Variants in CALHM4 observed in about 807,000 individuals in gnomAD.
CALHM4 encodes the protein calcium homeostasis modulator protein 4.
CALHM4 carries 16 observed loss-of-function variants against 13.3 expected under a neutral mutation model. The ratio of observed to expected loss-of-function variants is 1.20; its 90% CI spans 0.81 to 1.82. The LOEUF is 1.82. Among genes scored for constraint, CALHM4 ranks in the 40% most tolerant of loss-of-function variants. CALHM4 has a pLI of 0.00. For synonymous variants in CALHM4, 127 were observed against 137.1 expected (o/e 0.93, Z 0.52); for missense variants, 344 against 374.9 (o/e 0.92, Z 0.68).
At chr6:116,545,616 T>C in intron 2 of CALHM4, 1 of 1,058,548 alleles carries the variant, frequency 9.4e-7, no homozygotes, top group South Asian at 1.6e-5. Context: ...TTGTAAGCTC[T>C]TCCTCGCTTT....
intron 1 of CALHM4, among the ~76,000 whole-genome samples, chr6:116,557,138 A>C (rs761929547): frequency 1.3e-5 from 2 of 151,980 alleles, no homozygotes; most frequent in Non-Finnish European, 2.9e-5. Context: ...GGGTTTCACC[A>C]TGTTGGCCAG....
chr6:116,549,057 G>C (rs1254474679), upstream of CALHM4, among the ~76,000 whole-genome samples: 1 of 152,168 alleles, frequency 6.6e-6, no homozygotes, highest in Non-Finnish European at 1.5e-5. Flanking sequence ...GACCGAGGTC[G>C]GTGGATCACC....
In CALHM4 at chr6:116,557,815, T is replaced by C; in HGVS notation, c.559-10T>C. The C allele has an allele frequency of 6.2e-7, 1 of 1,603,440 alleles. No homozygotes were observed. The highest frequency in any genetic ancestry group is 8.5e-7 in the Non-Finnish European group (1 of 1,173,034). ...TACTTCCTGTTTTTCTTTTTAATAA[T>C]GATGTGAAGATGCTGGGTTGGATTT... On this transcript the variant is annotated splice_polypyrimidine_tract_variant and intron_variant, in intron 1 of 1. Coordinates refer to ENST00000368596, the MANE Select transcript of CALHM4 (RefSeq NM_001366078.2).
chr6:116,556,220 C>T (rs1774309671), intron 1 of CALHM4, among the ~76,000 whole-genome samples: 1 of 152,214 alleles, frequency 6.6e-6, no homozygotes, highest in Non-Finnish European at 1.5e-5. Flanking sequence ...TAAGTGAGTT[C>T]ATTCCATTGT....
intron 1 of CALHM4, among the ~76,000 whole-genome samples, chr6:116,530,003 T>A (rs1311119294): frequency 6.6e-6 from 1 of 152,194 alleles, no homozygotes; most frequent in Non-Finnish European, 1.5e-5. Context: ...CCTCCCCATT[T>A]TATGCACAGC....
At chr6:116,538,304 C>T (rs1043757631) in intron 1 of CALHM4, among the ~76,000 whole-genome samples, 2 of 152,178 alleles carry the variant, frequency 1.3e-5, no homozygotes, top group Non-Finnish European at 2.9e-5. Flanking sequence ...GGGCCAAGGG[C>T]ATTTACGGTA....
intron 1 of CALHM4, 78 bp downstream of exon 1, chr6:116,554,429 C>G (rs1774219062): frequency 8.3e-7 from 1 of 1,199,078 alleles, no homozygotes; most frequent in Non-Finnish European, 1.1e-6. Flanking sequence ...CAGATTCCTA[C>G]TGCTTCTTAT....
At chr6:116,540,537 TTG>T in intron 1 of CALHM4, 1 of 1,433,714 alleles carries the variant, frequency 7.0e-7, no homozygotes. Flanking sequence ...AAGAAGCGAT[TTG>T]TGTGTTTAGC....
chr6:116,545,361 G>A, intron 2 of CALHM4: 1 of 820,018 alleles, frequency 1.2e-6, no homozygotes, highest in Non-Finnish European at 1.9e-6. Context: ...GCTGAACACT[G>A]TCTTTCCTCC....
At chr6:116,548,275 A>G (rs945827664) in intron 2 of CALHM4, among the ~76,000 whole-genome samples, 2 of 152,208 alleles carry the variant, frequency 1.3e-5, no homozygotes, top group Non-Finnish European at 2.9e-5. Context: ...CCTTGCCAAA[A>G]AACAATGCCA....
intron 1 of CALHM4, among the ~76,000 whole-genome samples, chr6:116,542,923 T>A (rs1773551594): frequency 1.3e-5 from 2 of 152,116 alleles, no homozygotes; most frequent in Admixed American, 1.3e-4. Flanking sequence ...AAGCATATAT[T>A]TATATTGGAA....
chr6:116,542,292 A>G (rs1245757565), intron 1 of CALHM4, among the ~76,000 whole-genome samples: 2 of 152,160 alleles, frequency 1.3e-5, no homozygotes, highest in Non-Finnish European at 2.9e-5. Context: ...AATTAAGTAG[A>G]AATTCCAAAA....
At chr6:116,549,974 C>T (rs760536683), upstream of CALHM4, among the ~76,000 whole-genome samples, 109 of 98,062 alleles carry the variant, frequency 1.1e-3, no homozygotes, top group Non-Finnish European at 1.8e-3. Flanking sequence ...AAAACTCCAT[C>T]TTAAATTATA....
chr6:116,551,545 T>C (rs1774080014), upstream of CALHM4, among the ~76,000 whole-genome samples: 2 of 152,048 alleles, frequency 1.3e-5, no homozygotes, highest in African/African-American at 4.8e-5. Flanking sequence ...TCAATTGTTT[T>C]ATCCTTTTTT....
At chr6:116,530,902 CATATATAT>C (rs10557481) in intron 1 of CALHM4, among the ~76,000 whole-genome samples, 2,455 of 76,442 alleles carry the variant, frequency 0.032, 49 homozygotes, top group African/African-American at 0.058. Flanking sequence ...AAGTGAGACT[CATATATAT>C]ATATATATAT....
intron 1 of CALHM4, among the ~76,000 whole-genome samples, chr6:116,532,562 A>ACTT (rs1772807699): frequency 6.6e-6 from 1 of 152,254 alleles, no homozygotes; most frequent in Admixed American, 6.5e-5. Flanking sequence ...ATGAAAGGCA[A>ACTT]CTTCACTGGC....
rs1413932713 is a variant in CALHM4, at chr6:116,554,275, C to T, written c.482C>T (p.Pro161Leu). 7.7e-6 allele frequency: 12 copies of T among 1,550,564 alleles called. No homozygotes were observed. The highest frequency in any genetic ancestry group is 1.0e-5 in the Non-Finnish European group (12 of 1,147,002). ...CGAGAAGAGATCCTGGCTGGGTTTC[C>T]ATGTTGCAGATCAGCTCCTTCTGAC... Reference protein sequence around the residue: ...SKREEILAGFPCCRSAPSDVI... With the variant: ...SKREEILAGFLCCRSAPSDVI... The change falls in exon 1 of 2, where the codon CCA becomes CTA. Residue 161 changes from proline to leucine, a missense_variant. Coordinates refer to ENST00000368596, the MANE Select transcript of CALHM4 (RefSeq NM_001366078.2).
At chr6:116,547,355 A>C (rs750324642) in intron 2 of CALHM4, among the ~76,000 whole-genome samples, 36 of 152,168 alleles carry the variant, frequency 2.4e-4, no homozygotes, top group Admixed American at 1.6e-3. Flanking sequence ...TGGTATGGTC[A>C]CATTATGGCC....
rs1031326633 is a variant in CALHM4, at chr6:116,558,277, G to T, written c.*66G>T. On this transcript the variant is annotated 3_prime_UTR_variant, in exon 2 of 2. Transcript: ENST00000368596. ...TGGCTTTTATGGCTTTTATGATCAG[G>T]CCATTTCAATGTAATCTCTTCATCT... 3 of 1,472,924 alleles carry T rather than the reference G, an allele frequency of 2.0e-6. No homozygotes were observed. Among genetic ancestry groups the T allele is most frequent in the Non-Finnish European group, 2.7e-6 (3 of 1,102,354 alleles). The allele number at this position is 1,472,924 out of a possible 1,614,324, so 91.2% of individuals were successfully genotyped here.
Sources: gnomAD v4.1 joint callset for allele counts (sites outside exome capture counted in the v4.1 genomes callset) on GRCh38, gnomAD v4.1.1 for gene constraint, MANE v1.5 for transcripts, NCBI Gene and HGNC (gene_info 2026-07-23, HGNC 2026-07-21) for gene names.